AGPS: variants seen among roughly 807,000 people sequenced by gnomAD.
AGPS encodes the protein alkyldihydroxyacetonephosphate synthase, peroxisomal.
In AGPS, 26 loss-of-function variants were observed where a neutral mutation model predicts 90.7. The observed-to-expected ratio is 0.29, with a 90% CI of 0.21 to 0.40. The LOEUF (loss-of-function observed/expected upper bound fraction) is 0.40. AGPS is among the 10% of genes least tolerant of loss of function. The pLI is 1.00. For missense variants in AGPS, 540 were observed against 816.1 expected (o/e 0.66, Z 4.12); for synonymous variants, 294 against 285.3 (o/e 1.03, Z -0.31).
In AGPS at chr2:177,505,343, T is replaced by C. The variant is rs146917833; in HGVS notation, c.1476-163T>C. Among the ~76,000 whole-genome samples, 15 of 152,134 alleles carry C rather than the reference T, an allele frequency of 9.9e-5. No individual in the cohort carries two copies. In the East Asian group the frequency reaches 2.9e-3, roughly 29 times the overall value. ...GAAGTAGTTGAGTTTATGAGTCAAT[T>C]TTATTTCGTGGATAAAAGTTTGAAA... On this transcript the variant is annotated intron_variant, in intron 14 of 19. Coordinates refer to ENST00000264167, the MANE Select transcript of AGPS (RefSeq NM_003659.4).
chr2:177,451,190 G>A (rs773813548), intron 8 of AGPS, among the ~76,000 whole-genome samples: 57 of 151,536 alleles, frequency 3.8e-4, no homozygotes, highest in Non-Finnish European at 7.5e-4. Flanking sequence ...CAAACTTCTC[G>A]CTTCAACCTA....
chr2:177,526,419 G>T (rs983307553), intron 19 of AGPS, among the ~76,000 whole-genome samples: 5 of 151,822 alleles, frequency 3.3e-5, no homozygotes, highest in African/African-American at 1.2e-4. Context: ...TAGTAGAGAC[G>T]GGTTTTCACC....
Position 177,526,619 on chromosome 2 carries a change from G to A in AGPS, c.1855+2814G>A, listed in dbSNP as rs80295959. Among the ~76,000 whole-genome samples the A allele has an allele frequency of 1.4e-3, 209 of 152,234 alleles. 3 individuals are homozygous for A. In the East Asian group the frequency reaches 0.031, roughly 23 times the overall value. On this transcript the variant is annotated intron_variant, in intron 19 of 19. Coordinates refer to ENST00000264167, the MANE Select transcript of AGPS (RefSeq NM_003659.4). Reference sequence around the variant, plus strand: ...GTTTCAAAGAATGGCAGTCCTTCCCGTGAAGGGCCTTATAGTCCAGTAGAA... The same window carrying A: ...GTTTCAAAGAATGGCAGTCCTTCCCATGAAGGGCCTTATAGTCCAGTAGAA...
intron 9 of AGPS, among the ~76,000 whole-genome samples, chr2:177,464,754 T>C (rs1203950966): frequency 6.6e-6 from 1 of 152,256 alleles, no homozygotes. Context: ...CTATTAGCGG[T>C]AATCCACTGC....
intron 9 of AGPS, among the ~76,000 whole-genome samples, chr2:177,466,983 G>T (rs931721649): frequency 2.0e-5 from 3 of 152,168 alleles, no homozygotes; most frequent in African/African-American, 7.2e-5. Flanking sequence ...TCAGGAATGC[G>T]TGGCTTTTGC....
intron 9 of AGPS, among the ~76,000 whole-genome samples, chr2:177,463,351 G>C (rs1361390091): frequency 6.6e-6 from 1 of 152,148 alleles, no homozygotes; most frequent in East Asian, 1.9e-4. Context: ...GACATAAAAT[G>C]AAAACTCAAA....
chr2:177,478,285 G>C (rs1687839598), intron 10 of AGPS, among the ~76,000 whole-genome samples: 1 of 152,020 alleles, frequency 6.6e-6, no homozygotes, highest in African/African-American at 2.4e-5. Context: ...TTTTTCTCTT[G>C]CCTTTGACTT....
Position 177,538,282 on chromosome 2 carries a change from T to C in AGPS, c.*87T>C. 1 of 1,372,116 alleles carries C rather than the reference T, an allele frequency of 7.3e-7. No individual in the cohort carries two copies. The highest frequency in any genetic ancestry group is 1.2e-5 in the South Asian group (1 of 81,748). The allele number at this position is 1,372,116 out of a possible 1,614,324, so 85.0% of individuals were successfully genotyped here. A position where few individuals can be genotyped will look rare whatever the true frequency, so the allele number is the denominator to read the frequency against. On this transcript the variant is annotated 3_prime_UTR_variant, in exon 20 of 20. Transcript: ENST00000264167. The stretch of plus-strand genomic sequence containing the variant: ...ACTAGTAATCAAATATATCATGGAC[T>C]ATATTTTGGATACATTTGTTTCTTT...
chr2:177,401,618 C>T (rs920595073), intron 1 of AGPS, among the ~76,000 whole-genome samples: 4 of 151,756 alleles, frequency 2.6e-5, no homozygotes, highest in Non-Finnish European at 5.9e-5. Flanking sequence ...GATCTCGGCT[C>T]ACTGCAGCCT....
chr2:177,459,327 T>G (rs1178816791), intron 8 of AGPS, among the ~76,000 whole-genome samples: 3 of 152,204 alleles, frequency 2.0e-5, no homozygotes, highest in Non-Finnish European at 4.4e-5. Context: ...AAATGGGATT[T>G]AATTAACCTA....
chr2:177,446,392 C>T (rs539005187), intron 8 of AGPS, among the ~76,000 whole-genome samples: 10 of 152,270 alleles, frequency 6.6e-5, no homozygotes, highest in South Asian at 4.1e-4. Context: ...CCGCCCGCCT[C>T]GGCCTCCTGA....
chr2:177,534,659 C>G (rs1446224031), intron 19 of AGPS, among the ~76,000 whole-genome samples: 1 of 150,992 alleles, frequency 6.6e-6, no homozygotes, highest in Admixed American at 6.6e-5. Flanking sequence ...ATGATCTGGA[C>G]TCACTGCAGC....
chr2:177,543,005 T>C lies in AGPS; in HGVS notation c.*4810T>C, dbSNP rs1389877474. 6.6e-6 allele frequency: 1 copy of C among 152,202 alleles called. No homozygotes were observed. Among genetic ancestry groups the C allele is most frequent in the East Asian group, 1.9e-4 (1 of 5,194 alleles). 9.4% of individuals were successfully genotyped at this position (152,202 alleles called of 1,614,324 possible). On this transcript the variant is annotated 3_prime_UTR_variant, in exon 20 of 20. Transcript: ENST00000264167. Reference sequence around the variant, plus strand: ...ACTGGTAATTCTTTCCACAGTGTTGTTTTGGATAATCTGTTCTAGTATATT... The same window carrying C: ...ACTGGTAATTCTTTCCACAGTGTTGCTTTGGATAATCTGTTCTAGTATATT...
intron 17 of AGPS, among the ~76,000 whole-genome samples, chr2:177,520,785 A>T (rs1689163452): frequency 1.3e-5 from 2 of 152,178 alleles, no homozygotes; most frequent in South Asian, 4.1e-4. Flanking sequence ...GTTAAATGTC[A>T]TTTTGATTAT....
chr2:177,478,776 T>C (rs150762689), intron 10 of AGPS, among the ~76,000 whole-genome samples: 2,341 of 152,004 alleles, frequency 0.015, 36 homozygotes, highest in South Asian at 0.028. Context: ...ATTCAGACAC[T>C]TTAGAAGGGA....
At chr2:177,417,373 A>G (rs1404357607) in intron 1 of AGPS, among the ~76,000 whole-genome samples, 2 of 152,246 alleles carry the variant, frequency 1.3e-5, no homozygotes, top group Non-Finnish European at 2.9e-5. Flanking sequence ...CATCCCCAAG[A>G]AATCTCATTG....
At chr2:177,532,021 A>G (rs2079142616) in intron 19 of AGPS, among the ~76,000 whole-genome samples, 1 of 152,120 alleles carries the variant, frequency 6.6e-6, no homozygotes, top group Non-Finnish European at 1.5e-5. Context: ...AAACTATAAA[A>G]CCTTTAGAAA....
chr2:177,472,939 G>C (rs1285802353), intron 10 of AGPS, among the ~76,000 whole-genome samples: 2 of 152,076 alleles, frequency 1.3e-5, no homozygotes, highest in Non-Finnish European at 2.9e-5. Context: ...CAGGGCTATG[G>C]ACTACCAAGT....
rs1049599402 is a variant in AGPS, at chr2:177,415,244, C to T, written c.261-5025C>T. Among the ~76,000 whole-genome samples the T allele has an allele frequency of 8.5e-5, 13 of 152,258 alleles. No individual in the cohort carries two copies. In the East Asian group the frequency reaches 2.3e-3, roughly 27 times the overall value. On this transcript the variant is annotated intron_variant, in intron 1 of 19. Transcript: ENST00000264167. ...TCCAGCTACTCTTACAAACAATGCT[C>T]CAGGGAATATATCAAATGTGTTCCC...
Sources: allele counts gnomAD v4.1 joint callset (sites outside exome capture counted in the v4.1 genomes callset), GRCh38; gene constraint gnomAD v4.1.1; transcripts MANE v1.5; gene names NCBI Gene and HGNC (gene_info 2026-07-23, HGNC 2026-07-21).